The following DYNC2H1 variants were observed in gnomAD, a reference collection of about 807,000 sequenced individuals.
DYNC2H1 encodes cytoplasmic dynein 2 heavy chain 1.
A neutral mutation model predicts 570.0 loss-of-function variants in DYNC2H1; 410 were observed. That is an observed-to-expected ratio of 0.72 (90% CI 0.66 to 0.78). The LOEUF (loss-of-function observed/expected upper bound fraction) is 0.78. Among genes scored for constraint, DYNC2H1 ranks in the 30% least tolerant of loss-of-function variants. The pLI, the probability that DYNC2H1 is intolerant of heterozygous loss-of-function variation, is 0.00. For missense variants in DYNC2H1, 4,865 were observed against 5,046.4 expected (o/e 0.96, Z 1.09); for synonymous variants, 1,688 against 1,677.6 (o/e 1.01, Z -0.15).
intron 84 of DYNC2H1, among the ~76,000 whole-genome samples, chr11:103,419,222 T>TG: frequency 6.6e-6 from 1 of 152,134 alleles, no homozygotes; most frequent in Non-Finnish European, 1.5e-5. Context: ...CTTGGGAGAA[T>TG]ACAAACAGTC....
At chr11:103,315,691 A>G (rs1482321086) in intron 79 of DYNC2H1, among the ~76,000 whole-genome samples, 3 of 152,016 alleles carry the variant, frequency 2.0e-5, no homozygotes, top group Non-Finnish European at 4.4e-5. Context: ...TATGTGTGAA[A>G]CATACTAAAT....
chr11:103,380,015 C>A (rs1049709086), intron 83 of DYNC2H1, among the ~76,000 whole-genome samples: 3 of 152,020 alleles, frequency 2.0e-5, no homozygotes, highest in Non-Finnish European at 4.4e-5. Context: ...GAACTTAAGA[C>A]CAAATTTTAG....
intron 55 of DYNC2H1, among the ~76,000 whole-genome samples, chr11:103,218,239 C>T (rs904092269): frequency 5.9e-5 from 9 of 152,110 alleles, no homozygotes; most frequent in Non-Finnish European, 1.2e-4. Flanking sequence ...GAAATGAAAA[C>T]GTGATAAATC....
At chr11:103,358,405 A>T (rs769758092) in intron 83 of DYNC2H1, 46 bp downstream of exon 83, 2 of 1,291,414 alleles carry the variant, frequency 1.5e-6, no homozygotes, top group Non-Finnish European at 2.2e-6. Context: ...TTTCTCCCGC[A>T]TCGTAACCAT....
chr11:103,466,600 G>T (rs572120944), intron 87 of DYNC2H1, among the ~76,000 whole-genome samples: 53 of 152,228 alleles, frequency 3.5e-4, no homozygotes, highest in South Asian at 2.1e-3. Flanking sequence ...GTGGGCAAAA[G>T]ATTTTAATAG....
At chr11:103,338,480 C>T (rs1939272858) in intron 82 of DYNC2H1, among the ~76,000 whole-genome samples, 1 of 152,040 alleles carries the variant, frequency 6.6e-6, no homozygotes, top group Non-Finnish European at 1.5e-5. Flanking sequence ...ATAATTAATT[C>T]TTTCAAGCCA....
chr11:103,213,783 A>G (rs1220277129), intron 54 of DYNC2H1, among the ~76,000 whole-genome samples: 1 of 152,216 alleles, frequency 6.6e-6, no homozygotes, highest in East Asian at 1.9e-4. Flanking sequence ...CAGGTTGTTT[A>G]TTCACTCTGT....
rs553391694 is a variant in DYNC2H1, at chr11:103,264,474, G to A, written c.10695+4497G>A. On this transcript the variant is annotated intron_variant, in intron 70 of 88. Coordinates refer to ENST00000375735, the MANE Select transcript of DYNC2H1 (RefSeq NM_001377.3). This position sits in a 1 kb window ranked among gnomAD's most constrained non-coding sequence, Gnocchi z 4.8. ...ATCCTCAATAAAATATTGGCAAACC[G>A]AATCCAGCAGCACATCAAAAAGCTT... 5.4e-4 allele frequency among the ~76,000 whole-genome samples: 82 copies of A among 152,170 alleles called. No homozygotes were observed. Among genetic ancestry groups the A allele is most frequent in the South Asian group, 1.0e-3 (5 of 4,824 alleles).
At chr11:103,447,600 C>T (rs925556484) in intron 85 of DYNC2H1, among the ~76,000 whole-genome samples, 6 of 152,108 alleles carry the variant, frequency 3.9e-5, no homozygotes, top group Non-Finnish European at 4.4e-5. Flanking sequence ...CCACATTCAT[C>T]AAATTCATAG....
At chr11:103,417,320 C>T (rs1443541161) in intron 84 of DYNC2H1, among the ~76,000 whole-genome samples, 1 of 151,844 alleles carries the variant, frequency 6.6e-6, no homozygotes, top group Non-Finnish European at 1.5e-5. Context: ...TCAGGATGGT[C>T]TCGATCTCTT....
intron 31 of DYNC2H1, among the ~76,000 whole-genome samples, chr11:103,166,268 CCTTTT>C (rs1362160051): frequency 3.9e-5 from 6 of 152,096 alleles, no homozygotes; most frequent in Admixed American, 6.5e-5. Flanking sequence ...TTTATCCTCT[CCTTTT>C]AATATTGTAG....
rs901948960 is a variant in DYNC2H1, at chr11:103,243,306, TAAATAGAG to T, written c.9820-384_9820-377del. 9.5e-5 allele frequency among the ~76,000 whole-genome samples: 5 copies of T among 52,456 alleles called. No homozygotes were observed. The highest frequency in any genetic ancestry group is 3.7e-4 in the African/African-American group (4 of 10,894). 34.4% of individuals were successfully genotyped at this position (52,456 alleles called of 152,430 possible). On this transcript the variant is annotated intron_variant, in intron 63 of 88. Transcript: ENST00000375735. The surrounding 1 kb of genome is among the most constrained non-coding windows in gnomAD (Gnocchi z 4.8). ...ATAGATAGATAGATAGATAGATAGATAAATAGAGAATAATTTGACTGTGTATTATAAAA... is the reference window on the plus strand; with the variant it reads ...ATAGATAGATAGATAGATAGATAGATAATAATTTGACTGTGTATTATAAAA...
In DYNC2H1 at chr11:103,275,414, T is replaced by C. The variant is rs1318811248; in HGVS notation, c.10696-4934T>C. ...CTTGGTATTGTACCTTATATGGATT[T>C]TGAGAAATTTAAATGACATGTGTTC... is the stretch of plus-strand genomic sequence containing the variant. On this transcript the variant is annotated intron_variant, in intron 70 of 88. Coordinates refer to ENST00000375735, the MANE Select transcript of DYNC2H1 (RefSeq NM_001377.3). This position sits in a 1 kb window ranked among gnomAD's most constrained non-coding sequence, Gnocchi z 4.8. Among the ~76,000 whole-genome samples, 1 of 152,202 alleles carries C rather than the reference T, an allele frequency of 6.6e-6. No homozygotes were observed. The highest frequency in any genetic ancestry group is 1.5e-5 in the Non-Finnish European group (1 of 68,034).
intron 3 of DYNC2H1, 102 bp from the exon 4 acceptor site, chr11:103,115,075 T>G: frequency 1.4e-6 from 1 of 711,140 alleles, no homozygotes; most frequent in Non-Finnish European, 2.4e-6. Flanking sequence ...GCTAGGAGCA[T>G]ATGTGTTAGA....
intron 40 of DYNC2H1, 93 bp from the exon 41 acceptor site, chr11:103,184,803 T>G: frequency 7.5e-7 from 1 of 1,334,910 alleles, no homozygotes; most frequent in South Asian, 1.9e-5. Flanking sequence ...AAATGGTTCT[T>G]GAAAAGGTAT....
At chr11:103,180,864 T>C (rs1287884474) in intron 39 of DYNC2H1, among the ~76,000 whole-genome samples, 1 of 151,564 alleles carries the variant, frequency 6.6e-6, no homozygotes, top group South Asian at 2.1e-4. Flanking sequence ...CTCTTTGATA[T>C]TTCAATTTTT....
chr11:103,173,820 C>T (rs1861677516), intron 35 of DYNC2H1, among the ~76,000 whole-genome samples: 2 of 152,064 alleles, frequency 1.3e-5, no homozygotes, highest in South Asian at 2.1e-4. Context: ...CATTTGGTGT[C>T]TTCATTAAGA....
At position 103,199,304 on chromosome 11, in the gene DYNC2H1, GGATA is replaced by G. The variant is rs1565389359; in HGVS notation, c.7923_7926del (p.Asp2641GlufsTer3). ...CACGAAGTCTTGGAGTATATGTCTA[GGATA>G]GATAGAGTGCTGAGTTTCCCTGGAG... On this transcript the variant is annotated frameshift_variant, in exon 49 of 89. Coordinates refer to ENST00000375735, the MANE Select transcript of DYNC2H1 (RefSeq NM_001377.3). LOFTEE classifies it high-confidence loss of function. The surrounding 1 kb of genome is among the most constrained non-coding windows in gnomAD (Gnocchi z 4.6). 6.2e-7 allele frequency: 1 copy of G among 1,611,616 alleles called. No homozygotes were observed. The highest frequency in any genetic ancestry group is 8.5e-7 in the Non-Finnish European group (1 of 1,179,664).
intron 84 of DYNC2H1, among the ~76,000 whole-genome samples, chr11:103,426,498 A>T (rs1943677565): frequency 6.6e-6 from 1 of 152,204 alleles, no homozygotes; most frequent in Non-Finnish European, 1.5e-5. Flanking sequence ...GAGAGTGAAA[A>T]TATTGTCAAT....
Sources: gnomAD v4.1 joint callset for allele counts (sites outside exome capture counted in the v4.1 genomes callset) on GRCh38, gnomAD v4.1.1 for gene constraint, Gnocchi (gnomAD v3.1) non-coding constraint, MANE v1.5 for transcripts, NCBI Gene and HGNC (gene_info 2026-07-23, HGNC 2026-07-21) for gene names.